Variants in ENTPD1 observed in about 807,000 individuals in gnomAD.
The protein encoded by ENTPD1 is ATP diphosphohydrolase.
A neutral mutation model predicts 57.0 loss-of-function variants in ENTPD1; 33 were observed. The ratio of observed to expected loss-of-function variants is 0.58; its 90% CI spans 0.44 to 0.77. ENTPD1 has a LOEUF of 0.77. Among genes scored for constraint, ENTPD1 ranks in the 30% least tolerant of loss-of-function variants. ENTPD1 has a pLI of 0.00. For missense variants in ENTPD1, 501 were observed against 603.4 expected, an observed-to-expected ratio of 0.83 and a Z score of 1.78; for synonymous variants, 202 against 218.8, an observed-to-expected ratio of 0.92 and a Z score of 0.68.
chr10:95,839,639 A>G (rs2098418431), intron 2 of ENTPD1, 52 bp from the exon 3 acceptor site: 5 of 1,569,308 alleles, frequency 3.2e-6, no homozygotes, highest in Non-Finnish European at 4.4e-6. Context: ...CAAGCCTAAT[A>G]TGGAGATGAG....
rs556854610 is a variant in ENTPD1, at chr10:95,867,264, C to T, written c.*881C>T. On this transcript the variant is annotated 3_prime_UTR_variant, in exon 10 of 10. Transcript: ENST00000371205. ...TTTAACATTTAATTCATATTAAATA[C>T]GTACAAATCAGTGACATTTAGTACA... 1.8e-4 allele frequency: 176 copies of T among 965,990 alleles called. 1 individual carries two copies. The African/African-American group carries it at 2.0e-3, about 11-fold the overall frequency. The allele number at this position is 965,990 out of a possible 1,614,324, so 59.8% of individuals were successfully genotyped here. A position where few individuals can be genotyped will look rare whatever the true frequency, so the allele number is the denominator to read the frequency against.
rs535225240 is a variant in ENTPD1, at chr10:95,805,860, G to A, written c.17-17377G>A. On this transcript the variant is annotated intron_variant, in intron 1 of 9. Coordinates refer to ENST00000371205, the MANE Select transcript of ENTPD1 (RefSeq NM_001776.6). Reference sequence around the variant, plus strand: ...TTGTAGAGTTTCTGCCCAGAGATCCGCTGTAAGACTGATGGGCTTCCCTTT... The same window carrying A: ...TTGTAGAGTTTCTGCCCAGAGATCCACTGTAAGACTGATGGGCTTCCCTTT... Among the ~76,000 whole-genome samples, 142 of 152,274 alleles carry A rather than the reference G, an allele frequency of 9.3e-4. 1 individual carries two copies. The highest frequency in any genetic ancestry group is 3.1e-3 in the African/African-American group (130 of 41,554).
chr10:95,811,246 G>C (rs191449117), intron 1 of ENTPD1, among the ~76,000 whole-genome samples: 3 of 152,160 alleles, frequency 2.0e-5, no homozygotes, highest in African/African-American at 7.2e-5. Context: ...AAATTACATT[G>C]ATCTGGCAAG....
At chr10:95,700,592 T>G in the ENTPD1 span, among the ~76,000 whole-genome samples, 1 of 151,836 alleles carries the variant, frequency 6.6e-6, no homozygotes, top group Non-Finnish European at 1.5e-5. Flanking sequence ...AGAGGCTGAG[T>G]TGGGAAGATC....
upstream of ENTPD1, chr10:95,755,757 G>C (rs1339862162): frequency 2.6e-6 from 4 of 1,536,942 alleles, no homozygotes; most frequent in Non-Finnish European, 3.5e-6. Flanking sequence ...TTTTTCGAGC[G>C]GGTTTCAAGG....
rs7901386 is a variant in ENTPD1 at position 95,810,530 on chromosome 10, G to A, written c.17-12707G>A. On this transcript the variant is annotated intron_variant, in intron 1 of 9. Transcript: ENST00000371205. The stretch of plus-strand genomic sequence containing the variant: ...TCACATCCCAGATGGGGTGGTGGCC[G>A]GGCAGAGGCGCTCCTCACTTCCCAG... 6.6e-5 allele frequency among the ~76,000 whole-genome samples: 10 copies of A among 151,250 alleles called. No individual in the cohort carries two copies. The South Asian group carries it at 1.3e-3, about 19-fold the overall frequency.
Position 95,876,235 on chromosome 10 carries a change from G to A in ENTPD1, c.*9852G>A. 1 of 976,384 alleles carries A rather than the reference G, an allele frequency of 1.0e-6. No individual in the cohort carries two copies. The highest frequency in any genetic ancestry group is 1.2e-6 in the Non-Finnish European group (1 of 821,818). 60.5% of individuals were successfully genotyped at this position (976,384 alleles called of 1,614,324 possible). On this transcript the variant is annotated 3_prime_UTR_variant, in exon 10 of 10. Transcript: ENST00000371205. Reference sequence around the variant, plus strand: ...ATAAAAATGTAAAGAAACACATAATGTAGATTGCTAATTTTATAATAACAC... The same window carrying A: ...ATAAAAATGTAAAGAAACACATAATATAGATTGCTAATTTTATAATAACAC...
intron 1 of ENTPD1, among the ~76,000 whole-genome samples, chr10:95,744,302 G>A (rs2098003702): frequency 6.6e-6 from 1 of 151,986 alleles, no homozygotes; most frequent in African/African-American, 2.4e-5. Context: ...CTTTTACACA[G>A]TTCCTTTTGC....
chr10:95,801,626 G>A (rs2098250015), intron 1 of ENTPD1, among the ~76,000 whole-genome samples: 1 of 151,954 alleles, frequency 6.6e-6, no homozygotes, highest in Non-Finnish European at 1.5e-5. Flanking sequence ...GAGTGCAATG[G>A]CGTGATCTCT....
At position 95,847,450 on chromosome 10, in the gene ENTPD1, C is replaced by T; in HGVS notation, c.818C>T (p.Ala273Val). 1.9e-6 allele frequency: 3 copies of T among 1,614,110 alleles called. No homozygotes were observed. Among genetic ancestry groups the T allele is most frequent in the South Asian group, 1.1e-5 (1 of 91,082 alleles). The change falls in exon 7 of 10, where the codon GCA becomes GTA. Residue 273 changes from alanine (A) to valine (V), a missense_variant. By Grantham distance (64) the Ala-to-Val change is moderately conservative (BLOSUM62 0). Transcript: ENST00000371205. The stretch of plus-strand genomic sequence containing the variant: ...TCAAGTGATTTTTCCATTCAGGTTG[C>T]AAGTAATGAAATTCTCAGGGACCCA... Reference protein sequence around the residue: ...WQKLAKDIQVASNEILRDPCF... With the variant: ...WQKLAKDIQVVSNEILRDPCF...
At chr10:95,730,078 C>A (rs2097987628) in intron 1 of ENTPD1, among the ~76,000 whole-genome samples, 1 of 152,118 alleles carries the variant, frequency 6.6e-6, no homozygotes, top group African/African-American at 2.4e-5. Flanking sequence ...ACTCTGTTAC[C>A]CAGACTGGAG....
At chr10:95,777,780 G>A (rs972944809) in intron 1 of ENTPD1, among the ~76,000 whole-genome samples, 2 of 152,254 alleles carry the variant, frequency 1.3e-5, no homozygotes, top group South Asian at 2.1e-4. Context: ...TACAGAGGCA[G>A]TAGGCCTTGC....
chr10:95,858,840 A>T (rs1203934148), intron 7 of ENTPD1, among the ~76,000 whole-genome samples: 1 of 152,212 alleles, frequency 6.6e-6, no homozygotes, highest in Non-Finnish European at 1.5e-5. Context: ...ATTAAGATAC[A>T]TCTACACCGT....
chr10:95,873,047 A>G lies in ENTPD1; in HGVS notation c.*6664A>G. ...CAAATTACCCAGGGATTTTGTTGAA[A>G]TAAAAATTATTTAATTTTAATTAAT... On this transcript the variant is annotated 3_prime_UTR_variant, in exon 10 of 10. Transcript: ENST00000371205. The G allele has an allele frequency of 1.1e-6, 1 of 950,918 alleles. No homozygotes were observed. Among genetic ancestry groups the G allele is most frequent in the Non-Finnish European group, 1.3e-6 (1 of 798,568 alleles). The allele number at this position is 950,918 out of a possible 1,614,324, so 58.9% of individuals were successfully genotyped here. A position where few individuals can be genotyped will look rare whatever the true frequency, so the allele number is the denominator to read the frequency against.
In ENTPD1 at chr10:95,872,315, G is replaced by A; in HGVS notation, c.*5932G>A. 1.0e-6 allele frequency: 1 copy of A among 985,326 alleles called. No individual in the cohort carries two copies. Among genetic ancestry groups the A allele is most frequent in the Non-Finnish European group, 1.2e-6 (1 of 829,914 alleles). The allele number at this position is 985,326 out of a possible 1,614,324, so 61.0% of individuals were successfully genotyped here. A position where few individuals can be genotyped will look rare whatever the true frequency, so the allele number is the denominator to read the frequency against. On this transcript the variant is annotated 3_prime_UTR_variant, in exon 10 of 10. Coordinates refer to ENST00000371205, the MANE Select transcript of ENTPD1 (RefSeq NM_001776.6). The stretch of plus-strand genomic sequence containing the variant: ...CCATCAGACATTCAAGGCTTTCAAT[G>A]ATCCATGGCCGCCAGCTCTCTCCAG...
intron 9 of ENTPD1, among the ~76,000 whole-genome samples, chr10:95,865,397 T>C (rs905070330): frequency 2.0e-5 from 3 of 152,174 alleles, no homozygotes; most frequent in Admixed American, 6.5e-5. Context: ...TGCTTTACCA[T>C]AGCACCACCT....
At chr10:95,769,747 T>C (rs2098107414) in intron 1 of ENTPD1, among the ~76,000 whole-genome samples, 1 of 152,210 alleles carries the variant, frequency 6.6e-6, no homozygotes, top group Non-Finnish European at 1.5e-5. Context: ...TTCCAGGTAG[T>C]AGCAGTGGAC....
chr10:95,807,521 G>A (rs942443591), intron 1 of ENTPD1, among the ~76,000 whole-genome samples: 1 of 152,208 alleles, frequency 6.6e-6, no homozygotes, highest in African/African-American at 2.4e-5. Flanking sequence ...TGCACCCGTT[G>A]TCCAACCAGT....
At chr10:95,789,842 G>GT (rs1337421808) in intron 1 of ENTPD1, among the ~76,000 whole-genome samples, 2 of 152,330 alleles carry the variant, frequency 1.3e-5, no homozygotes, top group East Asian at 3.9e-4. Context: ...CTATACTACT[G>GT]TAATAATTTT....
Sources: gnomAD v4.1 joint callset for allele counts (sites outside exome capture counted in the v4.1 genomes callset) on GRCh38, gnomAD v4.1.1 for gene constraint, MANE v1.5 for transcripts, NCBI Gene and HGNC (gene_info 2026-07-23, HGNC 2026-07-21) for gene names.